Variants in PPP2R2B observed in about 807,000 individuals in gnomAD.
PPP2R2B encodes the protein serine/threonine-protein phosphatase 2A 55 kDa regulatory subunit B beta isoform.
A neutral mutation model predicts 46.0 loss-of-function variants in PPP2R2B; 5 were observed. That is an observed-to-expected ratio of 0.11 (90% CI 0.06 to 0.23). The LOEUF (loss-of-function observed/expected upper bound fraction) is 0.23, where lower values mean the gene tolerates loss of function less well. PPP2R2B is among the 10% of genes least tolerant of loss of function. PPP2R2B has a pLI of 1.00. For missense variants in PPP2R2B, 367 were observed against 575.0 expected, an observed-to-expected ratio of 0.64 and a Z score of 3.70; for synonymous variants, 215 against 206.7, an observed-to-expected ratio of 1.04 and a Z score of -0.34.
chr5:146,633,669 GA>G (rs1369591187), intron 7 of PPP2R2B, among the ~76,000 whole-genome samples: 1 of 152,256 alleles, frequency 6.6e-6, no homozygotes, highest in African/African-American at 2.4e-5. Context: ...GCAGAGGCCT[GA>G]AGGCCAGTAG....
intron 5 of PPP2R2B, among the ~76,000 whole-genome samples, chr5:146,664,221 A>G (rs1268464045): frequency 6.6e-6 from 1 of 152,206 alleles, no homozygotes; most frequent in Non-Finnish European, 1.5e-5. Context: ...TCTCTGTAGC[A>G]TATTATGGTG....
At chr5:147,053,799 G>T (rs1756944354) in intron 1 of PPP2R2B, among the ~76,000 whole-genome samples, 1 of 152,204 alleles carries the variant, frequency 6.6e-6, no homozygotes, top group African/African-American at 2.4e-5. Flanking sequence ...AGTGGTAACA[G>T]TTCATCTCAA....
At chr5:146,973,397 A>G (rs1471474944) in intron 1 of PPP2R2B, among the ~76,000 whole-genome samples, 3 of 152,240 alleles carry the variant, frequency 2.0e-5, no homozygotes, top group East Asian at 1.9e-4. Context: ...TCCAAGCACA[A>G]TTTTCATTTT....
Position 146,581,343 on chromosome 5 carries a change from C to G in PPP2R2B, c.*8604G>C, listed in dbSNP as rs1272594091. 3 of 152,092 alleles carry G rather than the reference C, an allele frequency of 2.0e-5. No homozygotes were observed. The highest frequency in any genetic ancestry group is 4.4e-5 in the Non-Finnish European group (3 of 68,028). The allele number at this position is 152,092 out of a possible 1,614,324, so 9.4% of individuals were successfully genotyped here. ...GAGGTTCTTCACACCTTTAAACAAC[C>G]AGATCTCGTGAGAACTTACTCACTA... On this transcript the variant is annotated 3_prime_UTR_variant, in exon 10 of 10. Coordinates refer to ENST00000394411, the MANE Select transcript of PPP2R2B (RefSeq NM_181675.4).
intron 6 of PPP2R2B, among the ~76,000 whole-genome samples, chr5:146,645,694 C>T (rs908078305): frequency 6.6e-5 from 10 of 152,158 alleles, no homozygotes; most frequent in African/African-American, 2.4e-4. Flanking sequence ...TAAAATGAAG[C>T]CACTGTACAG....
At chr5:146,909,373 C>T (rs1015757914) in intron 1 of PPP2R2B, among the ~76,000 whole-genome samples, 1 of 152,200 alleles carries the variant, frequency 6.6e-6, no homozygotes, top group Non-Finnish European at 1.5e-5. Context: ...CAAAGAATGA[C>T]AATGTGACCC....
At chr5:147,000,854 C>T (rs1754138288) in intron 1 of PPP2R2B, among the ~76,000 whole-genome samples, 1 of 152,088 alleles carries the variant, frequency 6.6e-6, no homozygotes, top group African/African-American at 2.4e-5. Flanking sequence ...TAGGTTCACA[C>T]TGATTTCTTC....
intron 1 of PPP2R2B, among the ~76,000 whole-genome samples, chr5:146,978,494 T>C (rs879151967): frequency 6.6e-6 from 1 of 152,218 alleles, no homozygotes; most frequent in Admixed American, 6.5e-5. Flanking sequence ...AGGGCTTTTA[T>C]GATTTTACGT....
intron 2 of PPP2R2B, among the ~76,000 whole-genome samples, chr5:146,775,976 A>G (rs1437636426): frequency 6.6e-6 from 1 of 152,154 alleles, no homozygotes; most frequent in Non-Finnish European, 1.5e-5. Context: ...AAGAAATGCA[A>G]GACAAAAATA....
intron 1 of PPP2R2B, chr5:146,919,528 T>C (rs75461620): frequency 0.026 from 3,919 of 152,322 alleles, 82 homozygotes; most frequent in Non-Finnish European, 0.034. Flanking sequence ...GAGAGAGATG[T>C]TGCCCAGGCA....
intron 1 of PPP2R2B, among the ~76,000 whole-genome samples, chr5:146,936,270 A>G (rs903086748): frequency 4.6e-5 from 7 of 152,124 alleles, no homozygotes; most frequent in African/African-American, 1.7e-4. Context: ...CAGTGGAGTC[A>G]TTTGATACAA....
chr5:146,820,717 A>T (rs1040228787), intron 2 of PPP2R2B, among the ~76,000 whole-genome samples: 1 of 152,006 alleles, frequency 6.6e-6, no homozygotes, highest in Non-Finnish European at 1.5e-5. Context: ...GGCTGCTCAA[A>T]CTCACTGAGT....
At chr5:146,723,248 C>A (rs1251783609) in intron 2 of PPP2R2B, among the ~76,000 whole-genome samples, 1 of 152,132 alleles carries the variant, frequency 6.6e-6, no homozygotes, top group African/African-American at 2.4e-5. Context: ...TTGGAGTGAA[C>A]CTCATAACAT....
Position 146,582,891 on chromosome 5 carries a change from A to G in PPP2R2B, c.*7056T>C, listed in dbSNP as rs1769972512. 1 of 152,210 alleles carries G rather than the reference A, an allele frequency of 6.6e-6. No homozygotes were observed. Among genetic ancestry groups the G allele is most frequent in the African/African-American group, 2.4e-5 (1 of 41,452 alleles). The allele number at this position is 152,210 out of a possible 1,614,324, so 9.4% of individuals were successfully genotyped here. A position where few individuals can be genotyped will look rare whatever the true frequency, so the allele number is the denominator to read the frequency against. ...CGAAGTTTGGAAACCATATTTCCTC[A>G]TTTTAGTGCCTCATAGCCTGGCTAT... is the stretch of plus-strand genomic sequence containing the variant. On this transcript the variant is annotated 3_prime_UTR_variant, in exon 10 of 10. Coordinates refer to ENST00000394411, the MANE Select transcript of PPP2R2B (RefSeq NM_181675.4).
Position 146,859,899 on chromosome 5 carries a change from T to C in PPP2R2B, c.70+18103A>G, listed in dbSNP as rs570090726. On this transcript the variant is annotated intron_variant, in intron 2 of 9. Coordinates refer to ENST00000394411, the MANE Select transcript of PPP2R2B (RefSeq NM_181675.4). The stretch of plus-strand genomic sequence containing the variant: ...GAAAGGAGGTAGTATGAAGGACAGT[T>C]TTGTGTAGGGAAAAAAAAGAAATTC... Among the ~76,000 whole-genome samples, 4 of 152,200 alleles carry C rather than the reference T, an allele frequency of 2.6e-5. No individual in the cohort carries two copies. The East Asian group carries it at 5.8e-4, about 22-fold the overall frequency.
At chr5:146,887,181 G>A (rs1762355831) in intron 1 of PPP2R2B, among the ~76,000 whole-genome samples, 1 of 151,938 alleles carries the variant, frequency 6.6e-6, no homozygotes, top group South Asian at 2.1e-4. Context: ...AATTACTAAT[G>A]ACATATCTAA....
intron 1 of PPP2R2B, among the ~76,000 whole-genome samples, chr5:147,010,912 C>T (rs1464062283): frequency 6.6e-6 from 1 of 152,244 alleles, no homozygotes; most frequent in South Asian, 2.1e-4. Context: ...TGCTCTCATC[C>T]CTGCTCAAAC....
chr5:147,024,205 C>T (rs972586443), intron 1 of PPP2R2B, among the ~76,000 whole-genome samples: 8 of 118,534 alleles, frequency 6.7e-5, no homozygotes, highest in African/African-American at 1.9e-4. Context: ...CTATCTATCA[C>T]CTACTGGTTC....
intron 1 of PPP2R2B, among the ~76,000 whole-genome samples, chr5:147,009,098 T>C (rs1342570512): frequency 1.3e-5 from 2 of 152,200 alleles, no homozygotes; most frequent in Non-Finnish European, 2.9e-5. Flanking sequence ...TGTGCTTTTA[T>C]TACCTGCTGG....
Sources: allele counts gnomAD v4.1 joint callset (sites outside exome capture counted in the v4.1 genomes callset), GRCh38; gene constraint gnomAD v4.1.1; transcripts MANE v1.5; gene names NCBI Gene and HGNC (gene_info 2026-07-23, HGNC 2026-07-21).